The following TMEM178B variants were observed in gnomAD, a reference collection of about 807,000 sequenced individuals.
The protein encoded by TMEM178B is transmembrane protein 178B.
Under a neutral mutation model 31.0 loss-of-function variants are expected in TMEM178B, and 5 were observed. The ratio of observed to expected loss-of-function variants is 0.16; its 90% CI spans 0.08 to 0.34. The LOEUF (loss-of-function observed/expected upper bound fraction) is 0.34. TMEM178B is among the 10% of genes least tolerant of loss of function. The pLI, the probability that TMEM178B is intolerant of heterozygous loss-of-function variation, is 1.00. For synonymous variants in TMEM178B, 164 were observed against 164.0 expected (o/e 1.00, Z 0.00); for missense variants, 275 against 400.3 (o/e 0.69, Z 2.67).
chr7:141,355,335 A>G (rs1285372449), intron 2 of TMEM178B, among the ~76,000 whole-genome samples: 2 of 152,212 alleles, frequency 1.3e-5, no homozygotes, highest in Non-Finnish European at 2.9e-5. Flanking sequence ...ATGACCAGTC[A>G]GGCTTCCCTC....
At chr7:141,445,851 T>C (rs1801744685) in intron 3 of TMEM178B, among the ~76,000 whole-genome samples, 1 of 152,218 alleles carries the variant, frequency 6.6e-6, no homozygotes, top group Non-Finnish European at 1.5e-5. Flanking sequence ...TTTATAGTTT[T>C]ATGTGAGATT....
At chr7:141,138,649 TTCAGTCAAGC>T (rs1297681001) in intron 1 of TMEM178B, among the ~76,000 whole-genome samples, 1 of 151,912 alleles carries the variant, frequency 6.6e-6, no homozygotes, top group African/African-American at 2.4e-5. Context: ...TGTTTCAAAA[TTCAGTCAAGC>T]TGTTAAAGAT....
chr7:141,261,090 G>GT (rs1211404558), intron 2 of TMEM178B, among the ~76,000 whole-genome samples: 1 of 152,156 alleles, frequency 6.6e-6, no homozygotes, highest in East Asian at 1.9e-4. Context: ...GTATATTTCT[G>GT]TATTTAAAAA....
At chr7:141,326,536 G>A (rs1269911094) in intron 2 of TMEM178B, among the ~76,000 whole-genome samples, 1 of 152,162 alleles carries the variant, frequency 6.6e-6, no homozygotes, top group South Asian at 2.1e-4. Flanking sequence ...CCTGGGAATC[G>A]AATGTTCCTA....
intron 1 of TMEM178B, among the ~76,000 whole-genome samples, chr7:141,212,338 C>T (rs981565688): frequency 6.6e-6 from 1 of 152,206 alleles, no homozygotes; most frequent in African/African-American, 2.4e-5. Flanking sequence ...AGACAAGCTG[C>T]TATCAGCCTA....
At chr7:141,183,386 G>A (rs760567933) in intron 1 of TMEM178B, among the ~76,000 whole-genome samples, 13 of 152,178 alleles carry the variant, frequency 8.5e-5, no homozygotes, top group Non-Finnish European at 1.5e-4. Context: ...GCAAAAATTA[G>A]TGCCCTCTTA....
At chr7:141,208,092 C>T (rs185025031) in intron 1 of TMEM178B, among the ~76,000 whole-genome samples, 179 of 152,216 alleles carry the variant, frequency 1.2e-3, no homozygotes, top group Non-Finnish European at 2.0e-3. Context: ...ATTGCAGAGG[C>T]TGAGGTGGGA....
rs2116739086 is a variant in TMEM178B, at chr7:141,476,553, G to A, written c.*5767G>A. The A allele has an allele frequency of 6.6e-6, 1 of 152,258 alleles. No individual in the cohort carries two copies. The highest frequency in any genetic ancestry group is 1.9e-4 in the East Asian group (1 of 5,184). The allele number at this position is 152,258 out of a possible 1,614,324, so 9.4% of individuals were successfully genotyped here. A position where few individuals can be genotyped will look rare whatever the true frequency, so the allele number is the denominator to read the frequency against. ...CAATGATCTTTCAAGTTTAGGATGA[G>A]ACCAAGTCTCAAGGAGCTGGGATCT... On this transcript the variant is annotated 3_prime_UTR_variant, in exon 4 of 4. Coordinates refer to ENST00000565468, the MANE Select transcript of TMEM178B (RefSeq NM_001195278.2).
intron 2 of TMEM178B, among the ~76,000 whole-genome samples, chr7:141,306,418 C>T (rs1269311480): frequency 6.6e-6 from 1 of 152,104 alleles, no homozygotes; most frequent in East Asian, 1.9e-4. Flanking sequence ...CAGGTTCATG[C>T]CATGAGTCAC....
chr7:141,510,584 C>G, the TMEM178B span, among the ~76,000 whole-genome samples: 1 of 141,556 alleles, frequency 7.1e-6, no homozygotes, highest in African/African-American at 2.6e-5. Context: ...ACTCAGGAGA[C>G]TGAGGCAGGA....
chr7:141,212,613 C>T lies in TMEM178B; in HGVS notation c.405C>T (p.Tyr135=), dbSNP rs1284834893. Residue 135 remains tyrosine (Y), a synonymous_variant, in exon 2 of 4, where the codon TAC becomes TAT. Coordinates refer to ENST00000565468, the MANE Select transcript of TMEM178B (RefSeq NM_001195278.2). The stretch of plus-strand genomic sequence containing the variant: ...TAGGAGAAATTGAGCGATGTACGTA[C>T]ATCAAATACCACTACTCCTCAGCAA... ...IRKGEIERCT[Y]IKYHYSSATI... The T allele has an allele frequency of 2.0e-6, 3 of 1,536,094 alleles. No individual in the cohort carries two copies. The highest frequency in any genetic ancestry group is 2.4e-5 in the South Asian group (2 of 84,060).
intron 2 of TMEM178B, among the ~76,000 whole-genome samples, chr7:141,328,987 G>A (rs966472939): frequency 4.6e-5 from 7 of 152,060 alleles, no homozygotes; most frequent in African/African-American, 1.7e-4. Context: ...CTTCCTTCCT[G>A]ATTGGCCTTC....
Position 141,079,052 on chromosome 7 carries a change from C to T in TMEM178B, c.382+4360C>T, listed in dbSNP as rs1345091823. On this transcript the variant is annotated intron_variant, in intron 1 of 3. Transcript: ENST00000565468. ...CTGTAATCCCAGCACTTTGGGAGGCCGAGGCAGGTGAATCACTTGAGTTCA... is the reference window on the plus strand; with the variant it reads ...CTGTAATCCCAGCACTTTGGGAGGCTGAGGCAGGTGAATCACTTGAGTTCA... Among the ~76,000 whole-genome samples the T allele has an allele frequency of 4.6e-5, 7 of 152,266 alleles. No individual in the cohort carries two copies. In the East Asian group the frequency reaches 5.8e-4, roughly 13 times the overall value.
At chr7:141,419,020 G>A (rs1801151966) in intron 2 of TMEM178B, among the ~76,000 whole-genome samples, 1 of 152,108 alleles carries the variant, frequency 6.6e-6, no homozygotes, top group Admixed American at 6.6e-5. Flanking sequence ...TGATTATCCT[G>A]CCTCAGCCTA....
chr7:141,405,353 G>T (rs2116625784), intron 2 of TMEM178B, among the ~76,000 whole-genome samples: 1 of 152,368 alleles, frequency 6.6e-6, no homozygotes, highest in Non-Finnish European at 1.5e-5. Flanking sequence ...TTGGGCCAGA[G>T]GAGGGGACCT....
At chr7:141,098,742 A>G (rs1241729678) in intron 1 of TMEM178B, among the ~76,000 whole-genome samples, 5 of 152,238 alleles carry the variant, frequency 3.3e-5, no homozygotes, top group Non-Finnish European at 7.3e-5. Context: ...TTTAAAACTC[A>G]TAAGAAAATA....
intron 3 of TMEM178B, among the ~76,000 whole-genome samples, chr7:141,464,002 A>G (rs886959059): frequency 6.6e-6 from 1 of 152,216 alleles, no homozygotes; most frequent in Non-Finnish European, 1.5e-5. Flanking sequence ...GGGCGAAAGT[A>G]GAAGGCAGGA....
rs754164448 is a variant in TMEM178B, at chr7:141,346,082, G to A, written c.497-91526G>A. 1.6e-4 allele frequency among the ~76,000 whole-genome samples: 24 copies of A among 152,002 alleles called. 1 individual carries two copies. The highest frequency in any genetic ancestry group is 1.1e-3 in the Admixed American group (17 of 15,260). On this transcript the variant is annotated intron_variant, in intron 2 of 3. Transcript: ENST00000565468. ...TAAAAATACAAAAAATTAGCCGGGC[G>A]TGGTGGCGGGTGCCTGTAGTCCCAG... is the stretch of plus-strand genomic sequence containing the variant.
At chr7:141,485,463 A>G in the TMEM178B span, among the ~76,000 whole-genome samples, 3 of 152,188 alleles carry the variant, frequency 2.0e-5, no homozygotes, top group Non-Finnish European at 4.4e-5. Context: ...GCCTCACAAC[A>G]TTGTTGTGAG....
Sources: gnomAD v4.1 joint callset for allele counts (sites outside exome capture counted in the v4.1 genomes callset) on GRCh38, gnomAD v4.1.1 for gene constraint, MANE v1.5 for transcripts, NCBI Gene and HGNC (gene_info 2026-07-23, HGNC 2026-07-21) for gene names.